Variants in DMTN observed in about 807,000 individuals in gnomAD.
DMTN encodes dematin.
DMTN carries 27 observed loss-of-function variants against 59.4 expected under a neutral mutation model. That is an observed-to-expected ratio of 0.45 (90% CI 0.33 to 0.63). DMTN has a LOEUF of 0.63. DMTN is among the 20% of genes least tolerant of loss of function. The pLI is 0.02. For missense variants in DMTN, 451 were observed against 528.9 expected, an observed-to-expected ratio of 0.85 and a Z score of 1.45; for synonymous variants, 221 against 203.7, an observed-to-expected ratio of 1.08 and a Z score of -0.72.
chr8:22,067,022 C>T (rs989115911), intron 2 of DMTN, 63 bp from the exon 3 acceptor site: 135 of 1,459,086 alleles, frequency 9.3e-5, no homozygotes, highest in South Asian at 1.3e-4. Context: ...GGCCTAGGGC[C>T]GCCCCCGCCC....
upstream of DMTN, among the ~76,000 whole-genome samples, chr8:22,049,967 G>C (rs1024677736): frequency 6.6e-6 from 1 of 152,190 alleles, no homozygotes; most frequent in African/African-American, 2.4e-5. Context: ...CCGGCGCAGA[G>C]TCTGACACCC....
At chr8:22,062,703 A>G (rs1326222165) in intron 1 of DMTN, among the ~76,000 whole-genome samples, 1 of 142,570 alleles carries the variant, frequency 7.0e-6, no homozygotes, top group Non-Finnish European at 1.5e-5. Context: ...CGAGGCCACT[A>G]TGGCCTGACA....
chr8:22,072,230 G>A lies in DMTN; in HGVS notation c.605-96G>A, dbSNP rs1185976894. 7.8e-6 allele frequency: 11 copies of A among 1,418,336 alleles called. No individual in the cohort carries two copies. The African/African-American group carries it at 8.7e-5, about 11-fold the overall frequency. The allele number at this position is 1,418,336 out of a possible 1,614,324, so 87.9% of individuals were successfully genotyped here. On this transcript the variant is annotated intron_variant, in intron 8 of 15. Coordinates refer to ENST00000358242, the MANE Select transcript of DMTN (RefSeq NM_001387751.1). ...AAAATTTTGTAGTGGCCTTATCAAG[G>A]TCCAGCCCAGAGCAGTGCACAGAGG...
chr8:22,062,283 A>G (rs549257798), intron 1 of DMTN, among the ~76,000 whole-genome samples: 1 of 152,014 alleles, frequency 6.6e-6, no homozygotes, highest in East Asian at 1.9e-4. Context: ...TCCTTTGTAG[A>G]GATAGGGTCT....
chr8:22,059,925 A>G (rs759446664), intron 1 of DMTN, among the ~76,000 whole-genome samples: 1 of 151,876 alleles, frequency 6.6e-6, no homozygotes, highest in Admixed American at 6.6e-5. Flanking sequence ...CGGAGGGCCC[A>G]GTGGGCGGGT....
intron 1 of DMTN, among the ~76,000 whole-genome samples, chr8:22,061,829 C>A (rs1248751058): frequency 2.7e-5 from 4 of 149,332 alleles, no homozygotes; most frequent in African/African-American, 1.0e-4. Flanking sequence ...TCATAGCCCA[C>A]TACAGCCTCA....
chr8:22,070,865 C>T (rs1272010408), intron 8 of DMTN, among the ~76,000 whole-genome samples: 6 of 152,118 alleles, frequency 3.9e-5, no homozygotes, highest in African/African-American at 1.4e-4. Flanking sequence ...ATCCCACTCT[C>T]TACATCCATG....
rs2131622483 is a variant in DMTN, at chr8:22,081,622, A to G, written c.*159A>G. The G allele has an allele frequency of 3.1e-6, 2 of 644,390 alleles. No homozygotes were observed. The highest frequency in any genetic ancestry group is 2.7e-5 in the East Asian group (1 of 36,450). 39.9% of individuals were successfully genotyped at this position (644,390 alleles called of 1,614,324 possible). On this transcript the variant is annotated 3_prime_UTR_variant, in exon 16 of 16. Transcript: ENST00000358242. ...CCTCTGCAGTCCCCGGCAGTGAGCT[A>G]TGGACTTTCTTCCCCCTCACAAGGC...
In DMTN at chr8:22,082,294, G is replaced by T. The variant is rs985151067; in HGVS notation, c.*831G>T. On this transcript the variant is annotated 3_prime_UTR_variant, in exon 16 of 16. Coordinates refer to ENST00000358242, the MANE Select transcript of DMTN (RefSeq NM_001387751.1). ...CCCCCCACACACTATGCTCTCTCAA[G>T]AATGTAATTTATTGGGGCCCCCCCA... 20 of 454,902 alleles carry T rather than the reference G, an allele frequency of 4.4e-5. No individual in the cohort carries two copies. The highest frequency in any genetic ancestry group is 4.3e-4 in the Admixed American group (18 of 42,280). 28.2% of individuals were successfully genotyped at this position (454,902 alleles called of 1,614,324 possible). A position where few individuals can be genotyped will look rare whatever the true frequency, so the allele number is the denominator to read the frequency against.
rs1352525441 is a variant in DMTN at position 22,081,525 on chromosome 8, G to A, written c.*62G>A. The A allele has an allele frequency of 9.6e-6, 14 of 1,464,646 alleles. No homozygotes were observed. Among genetic ancestry groups the A allele is most frequent in the African/African-American group, 1.4e-5 (1 of 71,914 alleles). The allele number at this position is 1,464,646 out of a possible 1,614,324, so 90.7% of individuals were successfully genotyped here. On this transcript the variant is annotated 3_prime_UTR_variant, in exon 16 of 16. Coordinates refer to ENST00000358242, the MANE Select transcript of DMTN (RefSeq NM_001387751.1). ...TGCTGCTTCAGGGTTTTTCCCCGGC[G>A]GGTTGGGAGGGGCAGGAGGTGGGGT...
upstream of DMTN, chr8:22,053,460 CCCTGGCTCCA>C (rs1390852595): frequency 6.6e-6 from 1 of 152,442 alleles, no homozygotes; most frequent in African/African-American, 2.4e-5. Context: ...TGTCCAGGTG[CCCTGGCTCCA>C]CCTCTCCCGA....
chr8:22,066,733 A>G lies in DMTN; in HGVS notation c.-143A>G. ...GGAGAGTCACCGCCGAGGGATGAGG[A>G]CGCGCCAGCCCGGGGGAACGCGCCA... On this transcript the variant is annotated 5_prime_UTR_variant, in exon 2 of 16. Coordinates refer to ENST00000358242, the MANE Select transcript of DMTN (RefSeq NM_001387751.1). 1 of 905,962 alleles carries G rather than the reference A, an allele frequency of 1.1e-6. No individual in the cohort carries two copies. Among genetic ancestry groups the G allele is most frequent in the Non-Finnish European group, 1.5e-6 (1 of 680,398 alleles). The allele number at this position is 905,962 out of a possible 1,614,324, so 56.1% of individuals were successfully genotyped here.
intron 9 of DMTN, among the ~76,000 whole-genome samples, chr8:22,072,712 C>T (rs1816682025): frequency 1.3e-5 from 2 of 150,626 alleles, no homozygotes; most frequent in South Asian, 2.1e-4. Flanking sequence ...TGACCTCAAG[C>T]GATCCGCCCA....
intron 1 of DMTN, among the ~76,000 whole-genome samples, chr8:22,062,797 C>T (rs1453610014): frequency 2.0e-5 from 3 of 151,956 alleles, no homozygotes; most frequent in Non-Finnish European, 4.4e-5. Flanking sequence ...TCAGCCCCTC[C>T]CTCTATCCCT....
At chr8:22,054,406 G>A (rs1801769636), upstream of DMTN, among the ~76,000 whole-genome samples, 2 of 152,282 alleles carry the variant, frequency 1.3e-5, no homozygotes, top group East Asian at 1.9e-4. Flanking sequence ...ATGAGAGAGG[G>A]TTTGGGACCA....
In DMTN at chr8:22,080,254, C is replaced by G. The variant is rs115985330; in HGVS notation, c.900+10C>G. On this transcript the variant is annotated intron_variant, in intron 11 of 15. Transcript: ENST00000358242. Reference sequence around the variant, plus strand: ...GACCACCCTGAGCCGGGTAAGGTCTCAGGACCAGAGATATAGACTACGTGG... The same window carrying G: ...GACCACCCTGAGCCGGGTAAGGTCTGAGGACCAGAGATATAGACTACGTGG... 1.8e-4 allele frequency: 298 copies of G among 1,614,218 alleles called. 1 individual carries two copies. The African/African-American group carries it at 3.5e-3, about 19-fold the overall frequency.
At chr8:22,075,882 G>C (rs1819429767) in intron 10 of DMTN, among the ~76,000 whole-genome samples, 2 of 152,126 alleles carry the variant, frequency 1.3e-5, no homozygotes, top group African/African-American at 4.8e-5. Context: ...AAAGATGGGA[G>C]GCAACAGTGC....
In DMTN at chr8:22,081,136, G is replaced by A. The variant is rs745801676; in HGVS notation, c.1047G>A (p.Val349=). Residue 349 remains valine (V), a synonymous_variant, in exon 15 of 16, where the codon GTG becomes GTA. Transcript: ENST00000358242. ...EQKIYPYEML[V]VTNKGRTKLP... ...AGATCTATCCCTATGAAATGCTAGTGGTGACCAACAAGGGGCGAACCAAGC... is the reference window on the plus strand; with the variant it reads ...AGATCTATCCCTATGAAATGCTAGTAGTGACCAACAAGGGGCGAACCAAGC... 1 of 1,611,666 alleles carries A rather than the reference G, an allele frequency of 6.2e-7. No individual in the cohort carries two copies. The highest frequency in any genetic ancestry group is 8.5e-7 in the Non-Finnish European group (1 of 1,179,370).
rs1452966787 is a variant in DMTN at position 22,073,795 on chromosome 8, G to A, written c.795G>A (p.Arg265=). Residue 265 remains arginine (R), a synonymous_variant, in exon 10 of 16, where the codon AGG becomes AGA. Transcript: ENST00000358242. ...EEMEKSLPIR[R]KTRSLPDRTP... is the part of the protein sequence containing the mutation. ...TGGAAAAGTCATTGCCGATCCGAAGGAAAACCCGCTCTCTGCCTGACCGGA... is the reference window on the plus strand; with the variant it reads ...TGGAAAAGTCATTGCCGATCCGAAGAAAAACCCGCTCTCTGCCTGACCGGA... The A allele has an allele frequency of 6.2e-7, 1 of 1,614,160 alleles. No individual in the cohort carries two copies. Among genetic ancestry groups the A allele is most frequent in the Admixed American group, 1.7e-5 (1 of 60,004 alleles).
Sources: allele counts gnomAD v4.1 joint callset (sites outside exome capture counted in the v4.1 genomes callset), GRCh38; gene constraint gnomAD v4.1.1; transcripts MANE v1.5; gene names NCBI Gene and HGNC (gene_info 2026-07-23, HGNC 2026-07-21).